Variants in TCERG1L observed in about 807,000 individuals in gnomAD.
TCERG1L encodes the protein transcription elongation regulator 1-like protein.
In TCERG1L, 37 loss-of-function variants were observed where a neutral mutation model predicts 56.3. The ratio of observed to expected loss-of-function variants is 0.66; its 90% CI spans 0.51 to 0.87. The LOEUF (loss-of-function observed/expected upper bound fraction) is 0.87, where lower values mean the gene tolerates loss of function less well. Ranked by LOEUF, TCERG1L falls within the 40% of genes least tolerant of loss-of-function variation. The pLI, the probability that TCERG1L is intolerant of heterozygous loss-of-function variation, is 0.00. For synonymous variants in TCERG1L, 324 were observed against 326.3 expected (o/e 0.99, Z 0.08); for missense variants, 799 against 774.2 (o/e 1.03, Z -0.38).
intron 8 of TCERG1L, among the ~76,000 whole-genome samples, chr10:131,120,984 G>A (rs1020380575): frequency 2.6e-5 from 4 of 152,216 alleles, no homozygotes; most frequent in African/African-American, 9.6e-5. Flanking sequence ...ACACACATGC[G>A]AAGCCTCAGC....
At chr10:131,294,426 A>C (rs566356480) in intron 3 of TCERG1L, among the ~76,000 whole-genome samples, 1 of 152,288 alleles carries the variant, frequency 6.6e-6, no homozygotes, top group East Asian at 1.9e-4. Flanking sequence ...TTATCTCTTT[A>C]AAAATCTGAG....
At chr10:131,150,836 T>C (rs1845856310) in intron 6 of TCERG1L, among the ~76,000 whole-genome samples, 1 of 151,984 alleles carries the variant, frequency 6.6e-6, no homozygotes, top group Admixed American at 6.6e-5. Flanking sequence ...AGAAAAGAGG[T>C]TTAATTGACT....
chr10:131,287,381 C>G (rs1267446487), intron 3 of TCERG1L, among the ~76,000 whole-genome samples: 9 of 152,098 alleles, frequency 5.9e-5, no homozygotes, highest in Non-Finnish European at 1.2e-4. Context: ...TGGCTTGTCG[C>G]TCACAAATTC....
At chr10:131,205,008 A>G (rs1422609906) in intron 4 of TCERG1L, among the ~76,000 whole-genome samples, 1 of 151,750 alleles carries the variant, frequency 6.6e-6, no homozygotes, top group African/African-American at 2.4e-5. Context: ...CATGCCCTCA[A>G]CCCCTGCCAC....
chr10:131,102,086 T>C (rs1360778113), intron 10 of TCERG1L, among the ~76,000 whole-genome samples: 2 of 152,244 alleles, frequency 1.3e-5, no homozygotes, highest in Non-Finnish European at 2.9e-5. Context: ...TCCTTTGCTA[T>C]AGGAAAAAAT....
intron 6 of TCERG1L, among the ~76,000 whole-genome samples, chr10:131,149,706 T>C (rs893911019): frequency 1.9e-4 from 29 of 152,296 alleles, no homozygotes; most frequent in African/African-American, 6.5e-4. Flanking sequence ...TGGCAACACG[T>C]AGGACGTGGA....
chr10:131,247,023 A>G (rs927254343), intron 4 of TCERG1L, among the ~76,000 whole-genome samples: 1 of 152,088 alleles, frequency 6.6e-6, no homozygotes, highest in African/African-American at 2.4e-5. Context: ...GCGCTGCGGC[A>G]CAACAGATTC....
intron 8 of TCERG1L, among the ~76,000 whole-genome samples, chr10:131,131,884 A>C (rs1409065050): frequency 6.6e-6 from 1 of 152,244 alleles, no homozygotes; most frequent in Non-Finnish European, 1.5e-5. Flanking sequence ...AACAGATTTC[A>C]GCAGGCCCCC....
At chr10:131,287,918 A>G (rs1029766393) in intron 3 of TCERG1L, among the ~76,000 whole-genome samples, 1 of 152,220 alleles carries the variant, frequency 6.6e-6, no homozygotes, top group African/African-American at 2.4e-5. Flanking sequence ...CTGTGCTCTC[A>G]GTAATGACAT....
At chr10:131,155,539 T>G (rs910385155) in intron 6 of TCERG1L, among the ~76,000 whole-genome samples, 1 of 152,320 alleles carries the variant, frequency 6.6e-6, no homozygotes, top group East Asian at 1.9e-4. Flanking sequence ...CCTGTCTTTA[T>G]GGAGTTCAAA....
In TCERG1L at chr10:131,311,471, C is replaced by T; in HGVS notation, c.165G>A (p.Gly55=). 8.4e-7 allele frequency: 1 copy of T among 1,188,368 alleles called. No homozygotes were observed. The highest frequency in any genetic ancestry group is 3.8e-5 in the South Asian group (1 of 26,436). The allele number at this position is 1,188,368 out of a possible 1,614,324, so 73.6% of individuals were successfully genotyped here. A position where few individuals can be genotyped will look rare whatever the true frequency, so the allele number is the denominator to read the frequency against. Residue 55 remains glycine, a synonymous_variant, in exon 1 of 12, where the codon GGG becomes GGA. Coordinates refer to ENST00000368642, the MANE Select transcript of TCERG1L (RefSeq NM_174937.4). This position sits in a 1 kb window ranked among gnomAD's most constrained non-coding sequence, Gnocchi z 4.0. The part of the protein sequence containing the change: ...GSAGLLRLSA[G]VVVPPVLLAS... Reference sequence around the variant, plus strand: ...CGAGCAGCACCGGGGGAACCACGACCCCCGCGCTGAGCCGGAGCAGCCCGG... The same window carrying T: ...CGAGCAGCACCGGGGGAACCACGACTCCCGCGCTGAGCCGGAGCAGCCCGG...
intron 4 of TCERG1L, among the ~76,000 whole-genome samples, chr10:131,196,838 CAA>C (rs770419132): frequency 3.3e-5 from 5 of 152,236 alleles, no homozygotes; most frequent in Non-Finnish European, 4.4e-5. Flanking sequence ...CTTCTTAGTA[CAA>C]ATTGATACCG....
chr10:131,102,456 C>A (rs1845313380), intron 10 of TCERG1L, among the ~76,000 whole-genome samples: 1 of 152,170 alleles, frequency 6.6e-6, no homozygotes, highest in African/African-American at 2.4e-5. Flanking sequence ...TTCACTGACA[C>A]CATCTCAGGC....
intron 7 of TCERG1L, among the ~76,000 whole-genome samples, chr10:131,143,562 C>T (rs1845761715): frequency 6.6e-6 from 1 of 152,190 alleles, no homozygotes; most frequent in Non-Finnish European, 1.5e-5. Flanking sequence ...GGTGGGGCTA[C>T]AGGTGCACAG....
chr10:131,261,257 T>C (rs1054950819), intron 3 of TCERG1L, among the ~76,000 whole-genome samples: 15 of 152,256 alleles, frequency 9.9e-5, no homozygotes, highest in Admixed American at 8.5e-4. Flanking sequence ...AAATGTGGTA[T>C]CTAAGAAGTA....
intron 4 of TCERG1L, among the ~76,000 whole-genome samples, chr10:131,185,663 GA>G (rs1265824665): frequency 6.6e-6 from 1 of 152,058 alleles, no homozygotes; most frequent in African/African-American, 2.4e-5. Flanking sequence ...AGTTGCTAGG[GA>G]AATGCAAAAC....
intron 6 of TCERG1L, chr10:131,161,584 G>C (rs1313473276): frequency 6.6e-6 from 1 of 152,106 alleles, no homozygotes; most frequent in Non-Finnish European, 1.5e-5. Flanking sequence ...GGACCCCTGA[G>C]TAGCTTCAGG....
intron 6 of TCERG1L, among the ~76,000 whole-genome samples, chr10:131,157,339 A>AT (rs1189605513): frequency 1.3e-5 from 2 of 152,180 alleles, no homozygotes; most frequent in African/African-American, 4.8e-5. Flanking sequence ...TTTAATATAT[A>AT]TTTTTTAATT....
At chr10:131,235,841 T>C (rs1211632721) in intron 4 of TCERG1L, among the ~76,000 whole-genome samples, 1 of 152,236 alleles carries the variant, frequency 6.6e-6, no homozygotes, top group East Asian at 1.9e-4. Context: ...TCTGTACTTC[T>C]GTTGTGTATA....
Sources: allele counts gnomAD v4.1 joint callset (sites outside exome capture counted in the v4.1 genomes callset), GRCh38; gene constraint gnomAD v4.1.1; non-coding constraint Gnocchi (gnomAD v3.1); transcripts MANE v1.5; gene names NCBI Gene and HGNC (gene_info 2026-07-23, HGNC 2026-07-21).